Variants in PSTPIP2 observed in about 807,000 individuals in gnomAD.
The protein encoded by PSTPIP2 is proline-serine-threonine phosphatase interacting protein 2, also known as proline-serine-threonine phosphatase-interacting protein 2.
A neutral mutation model predicts 63.3 loss-of-function variants in PSTPIP2; 33 were observed. That is an observed-to-expected ratio of 0.52 (90% CI 0.40 to 0.70). The LOEUF (loss-of-function observed/expected upper bound fraction) is 0.70. Ranked by LOEUF, PSTPIP2 falls within the 30% of genes least tolerant of loss-of-function variation. PSTPIP2 has a pLI of 0.00. For missense variants in PSTPIP2, 312 were observed against 400.7 expected (o/e 0.78, Z 1.89); for synonymous variants, 125 against 132.7 (o/e 0.94, Z 0.40).
At chr18:46,020,919 T>C (rs1379696982) in intron 3 of PSTPIP2, among the ~76,000 whole-genome samples, 1 of 152,200 alleles carries the variant, frequency 6.6e-6, no homozygotes, top group East Asian at 1.9e-4. Context: ...ATAAGAAATA[T>C]CATTTCGGGT....
intron 6 of PSTPIP2, among the ~76,000 whole-genome samples, chr18:45,999,808 T>C (rs561130042): frequency 6.6e-6 from 1 of 152,292 alleles, no homozygotes; most frequent in South Asian, 2.1e-4. Context: ...ACATGAGCTT[T>C]AAAAATGGAC....
At chr18:46,029,293 G>C (rs1907705092) in intron 2 of PSTPIP2, 2 of 1,460,094 alleles carry the variant, frequency 1.4e-6, no homozygotes, top group Admixed American at 3.4e-5. Flanking sequence ...GGCATTGCTG[G>C]GTATTTGCAT....
intron 1 of PSTPIP2, among the ~76,000 whole-genome samples, chr18:46,046,767 T>G (rs1908398215): frequency 6.6e-6 from 1 of 152,226 alleles, no homozygotes; most frequent in Non-Finnish European, 1.5e-5. Context: ...TGCATTTCAT[T>G]GTTTAAAAAA....
chr18:46,041,038 A>G (rs538418484), intron 1 of PSTPIP2: 45 of 458,882 alleles, frequency 9.8e-5, no homozygotes, highest in Admixed American at 4.0e-4. Context: ...TTGCCACTGA[A>G]CTTGACCCTG....
chr18:46,072,168 C>T lies in PSTPIP2; in HGVS notation c.21G>A (p.Lys7=), dbSNP rs781230325. 17 of 1,535,860 alleles carry T rather than the reference C, an allele frequency of 1.1e-5. No individual in the cohort carries two copies. The African/African-American group carries it at 2.0e-4, about 18-fold the overall frequency. MTRSLF[K]GNFWSADILS... ...CCCCACGACTTACCCAAAAGTTTCC[C>T]TTGAACAGTGAGCGCGTCATCGCAG... The change falls in exon 1 of 15, where the codon AAG becomes AAA. Residue 7 remains lysine (K), a synonymous_variant. Transcript: ENST00000409746.
chr18:46,032,405 C>T lies in PSTPIP2; in HGVS notation c.134+7542G>A, dbSNP rs560214269. ...TAAAAACCCCAACTCCCTTTGACCT[C>T]GCTTCTATCCAAATTCCCAGACCAG... On this transcript the variant is annotated intron_variant, in intron 2 of 14. Transcript: ENST00000409746. Among the ~76,000 whole-genome samples, 6 of 152,238 alleles carry T rather than the reference C, an allele frequency of 3.9e-5. No individual in the cohort carries two copies. The South Asian group carries it at 6.2e-4, about 16-fold the overall frequency.
At chr18:46,071,420 G>C (rs1025557563) in intron 1 of PSTPIP2, among the ~76,000 whole-genome samples, 11 of 152,152 alleles carry the variant, frequency 7.2e-5, no homozygotes, top group Admixed American at 6.5e-4. Context: ...ACAGAGGAGG[G>C]GGACAGGCAG....
Position 46,015,365 on chromosome 18 carries a change from A to G in PSTPIP2, c.247+538T>C, listed in dbSNP as rs78884282. Among the ~76,000 whole-genome samples, 812 of 152,322 alleles carry G rather than the reference A, an allele frequency of 5.3e-3. 8 individuals carry two copies. Among genetic ancestry groups the G allele is most frequent in the Middle Eastern group, 0.014 (4 of 294 alleles). ...CCTGCAGGGGTGGCTCTGGGAGAAG[A>G]AAACCAGACTGAGCATAAGAACATA... is the stretch of plus-strand genomic sequence containing the variant. On this transcript the variant is annotated intron_variant, in intron 4 of 14. Transcript: ENST00000409746.
rs1599693984 is a variant in PSTPIP2, at chr18:45,991,893, G to A, written c.920+9C>T. The A allele has an allele frequency of 1.3e-6, 2 of 1,588,854 alleles. No homozygotes were observed. Among genetic ancestry groups the A allele is most frequent in the Non-Finnish European group, 1.7e-6 (2 of 1,159,044 alleles). ...ATTTTTCTTCATATGAAAGGCAGCT[G>A]GTTATTACCTTGCCAAGTTAGGCCC... On this transcript the variant is annotated intron_variant, in intron 12 of 14. Transcript: ENST00000409746.
intron 1 of PSTPIP2, among the ~76,000 whole-genome samples, chr18:46,057,388 C>T (rs918127901): frequency 2.6e-5 from 4 of 151,366 alleles, no homozygotes; most frequent in African/African-American, 7.3e-5. Context: ...AGTACAATGG[C>T]GCAGTCTCAG....
chr18:46,018,877 A>T (rs1049648365), intron 3 of PSTPIP2, among the ~76,000 whole-genome samples: 4 of 152,180 alleles, frequency 2.6e-5, no homozygotes, highest in African/African-American at 7.2e-5. Context: ...AATTATTAAA[A>T]TATATTTTAA....
chr18:46,038,695 G>C (rs756274539), intron 2 of PSTPIP2, among the ~76,000 whole-genome samples: 3 of 152,200 alleles, frequency 2.0e-5, no homozygotes, highest in Non-Finnish European at 2.9e-5. Flanking sequence ...AGGAGGAGGA[G>C]CAGCAGCCAG....
rs574730460 is a variant in PSTPIP2, at chr18:45,988,654, T to C, written c.*8+48A>G. The C allele has an allele frequency of 2.0e-6, 3 of 1,464,102 alleles. No individual in the cohort carries two copies. In the South Asian group the frequency reaches 3.4e-5, roughly 17 times the overall value. 90.7% of individuals were successfully genotyped at this position (1,464,102 alleles called of 1,614,324 possible). On this transcript the variant is annotated intron_variant, in intron 14 of 14. Coordinates refer to ENST00000409746, the MANE Select transcript of PSTPIP2 (RefSeq NM_024430.4). ...AGGTTCAAAGGCTTCAATAGCACAA[T>C]TACCAGTCTACACATGACTCAATTA...
Position 45,988,761 on chromosome 18 carries a change from T to A in PSTPIP2, c.956-2A>T. ...CAACCAAAGAGTAATTGGGATCATC[T>A]GCAAAAGGCAGAACACAGAAAACAA... On this transcript the variant is annotated splice_acceptor_variant, in intron 13 of 14. Coordinates refer to ENST00000409746, the MANE Select transcript of PSTPIP2 (RefSeq NM_024430.4). LOFTEE classifies it high-confidence loss of function. The A allele has an allele frequency of 6.4e-7, 1 of 1,559,280 alleles. No homozygotes were observed. Among genetic ancestry groups the A allele is most frequent in the Non-Finnish European group, 8.8e-7 (1 of 1,130,558 alleles).
chr18:46,008,762 T>A lies in PSTPIP2; in HGVS notation c.354+2419A>T, dbSNP rs559109080. ...ACCATGTGGGTGCCAGAGTACAGTGTCTGATCATGTGTTGTCATTGTCATG... is the reference window on the plus strand; with the variant it reads ...ACCATGTGGGTGCCAGAGTACAGTGACTGATCATGTGTTGTCATTGTCATG... On this transcript the variant is annotated intron_variant, in intron 5 of 14. Transcript: ENST00000409746. Among the ~76,000 whole-genome samples, 243 of 152,252 alleles carry A rather than the reference T, an allele frequency of 1.6e-3. 1 individual carries two copies. Among genetic ancestry groups the A allele is most frequent in the African/African-American group, 5.2e-3 (215 of 41,542 alleles).
intron 2 of PSTPIP2, chr18:46,028,640 A>AGAAGAT (rs1907679831): frequency 1.2e-6 from 1 of 813,814 alleles, no homozygotes; most frequent in Admixed American, 1.8e-5. Context: ...GGGTGGATGA[A>AGAAGAT]GAAGATGAAG....
chr18:46,015,901 A>C lies in PSTPIP2; in HGVS notation c.247+2T>G. On this transcript the variant is annotated splice_donor_variant, in intron 4 of 14. Coordinates refer to ENST00000409746, the MANE Select transcript of PSTPIP2 (RefSeq NM_024430.4). LOFTEE classifies it high-confidence loss of function. ...ACATTTTTTAAAAAAAAAATCACTT[A>C]CGCTGCTTGAAGACTTCAAGGGCCC... The C allele has an allele frequency of 6.2e-7, 1 of 1,611,558 alleles. No homozygotes were observed. Among genetic ancestry groups the C allele is most frequent in the Non-Finnish European group, 8.5e-7 (1 of 1,178,596 alleles).
intron 1 of PSTPIP2, among the ~76,000 whole-genome samples, chr18:46,052,427 T>A (rs922712291): frequency 1.3e-5 from 2 of 152,200 alleles, no homozygotes; most frequent in Non-Finnish European, 2.9e-5. Context: ...ATTGAAGGCT[T>A]ATGACACCAT....
chr18:46,025,500 C>G (rs1436858377), intron 2 of PSTPIP2, among the ~76,000 whole-genome samples: 1 of 152,024 alleles, frequency 6.6e-6, no homozygotes, highest in African/African-American at 2.4e-5. Flanking sequence ...CTCACATATA[C>G]ACATATGTGT....
Sources: gnomAD v4.1 joint callset for allele counts (sites outside exome capture counted in the v4.1 genomes callset) on GRCh38, gnomAD v4.1.1 for gene constraint, MANE v1.5 for transcripts, NCBI Gene and HGNC (gene_info 2026-07-23, HGNC 2026-07-21) for gene names.